Variants in SLC8A3 observed in about 807,000 individuals in gnomAD.
SLC8A3 encodes the protein sodium/calcium exchanger 3.
Under a neutral mutation model 65.4 loss-of-function variants are expected in SLC8A3, and 37 were observed. The observed-to-expected ratio is 0.57, with a 90% CI of 0.44 to 0.74. The LOEUF (loss-of-function observed/expected upper bound fraction) is 0.74. Ranked by LOEUF, SLC8A3 falls within the 30% of genes least tolerant of loss-of-function variation. SLC8A3 has a pLI of 0.00. For missense variants in SLC8A3, 1,112 were observed against 1,172.1 expected (o/e 0.95, Z 0.75); for synonymous variants, 461 against 444.5 (o/e 1.04, Z -0.47).
intron 3 of SLC8A3, chr14:70,059,538 A>C (rs1323068402): frequency 2.6e-5 from 4 of 152,108 alleles, no homozygotes; most frequent in Admixed American, 2.6e-4. Context: ...CATTCAAAGT[A>C]GTGGCTTCCA....
At chr14:70,156,705 G>A (rs1276764916) in intron 2 of SLC8A3, among the ~76,000 whole-genome samples, 2 of 152,174 alleles carry the variant, frequency 1.3e-5, no homozygotes, top group Non-Finnish European at 2.9e-5. Flanking sequence ...TAAAGAGGGG[G>A]TGCCTGCTGG....
At chr14:70,102,120 A>G (rs1892589117) in intron 2 of SLC8A3, among the ~76,000 whole-genome samples, 1 of 152,212 alleles carries the variant, frequency 6.6e-6, no homozygotes, top group South Asian at 2.1e-4. Flanking sequence ...CAGGCCTGAG[A>G]GATGAATGAT....
rs77366753 is a variant in SLC8A3, at chr14:70,174,258, G to C, written c.-62-5774C>G. ...ACAAGCTTGGAAGCTCTACATACAGGCAGAATGGATCCATGGTAGAGCCCT... is the reference window on the plus strand; with the variant it reads ...ACAAGCTTGGAAGCTCTACATACAGCCAGAATGGATCCATGGTAGAGCCCT... On this transcript the variant is annotated intron_variant, in intron 1 of 6. Transcript: ENST00000356921. Among the ~76,000 whole-genome samples the C allele has an allele frequency of 9.5e-3, 1,454 of 152,332 alleles. 22 individuals are homozygous for C. Among genetic ancestry groups the C allele is most frequent in the African/African-American group, 0.032 (1,341 of 41,582 alleles).
At chr14:70,134,672 T>G (rs556617756) in intron 2 of SLC8A3, among the ~76,000 whole-genome samples, 1 of 152,320 alleles carries the variant, frequency 6.6e-6, no homozygotes, top group East Asian at 1.9e-4. Flanking sequence ...CTTAGCATTT[T>G]CTTAGTCCTT....
At chr14:70,104,597 AATGTAT>A (rs1414271246) in intron 2 of SLC8A3, among the ~76,000 whole-genome samples, 1 of 152,192 alleles carries the variant, frequency 6.6e-6, no homozygotes, top group Non-Finnish European at 1.5e-5. Flanking sequence ...GAAACTTTAT[AATGTAT>A]ATACTTGGAT....
intron 1 of SLC8A3, among the ~76,000 whole-genome samples, chr14:70,169,695 G>T (rs888662350): frequency 1.4e-5 from 2 of 145,594 alleles, no homozygotes; most frequent in Non-Finnish European, 3.0e-5. Context: ...AAAAAGTGGG[G>T]GGGGGGGCGA....
intron 2 of SLC8A3, among the ~76,000 whole-genome samples, chr14:70,127,996 G>A (rs1159774902): frequency 3.3e-5 from 5 of 152,066 alleles, no homozygotes; most frequent in Admixed American, 2.0e-4. Flanking sequence ...TCACATGAAT[G>A]TCCCATTGGT....
intron 2 of SLC8A3, among the ~76,000 whole-genome samples, chr14:70,132,133 A>G (rs987443567): frequency 6.6e-6 from 1 of 152,194 alleles, no homozygotes; most frequent in Non-Finnish European, 1.5e-5. Flanking sequence ...TTTGGTTGCA[A>G]TGAATTAAAG....
intron 2 of SLC8A3, among the ~76,000 whole-genome samples, chr14:70,119,772 T>C (rs1893922129): frequency 6.6e-6 from 1 of 152,250 alleles, no homozygotes; most frequent in African/African-American, 2.4e-5. Context: ...GACAATAACC[T>C]CATAGGATTG....
At chr14:70,071,042 G>A (rs1889961989) in intron 2 of SLC8A3, among the ~76,000 whole-genome samples, 1 of 152,218 alleles carries the variant, frequency 6.6e-6, no homozygotes, top group South Asian at 2.1e-4. Flanking sequence ...AAAGATTGTG[G>A]TGGGAAAGAA....
rs202055580 is a variant in SLC8A3, at chr14:70,113,906, C to A, written c.1784+52733G>T. On this transcript the variant is annotated intron_variant, in intron 2 of 6. Coordinates refer to ENST00000356921, the MANE Select transcript of SLC8A3 (RefSeq NM_182932.3). ...CCTAACCTGACAGTAGCCTAGGGGA[C>A]ATTTTTTTTTCCTGATGTTCCCAGG... is the stretch of plus-strand genomic sequence containing the variant. Among the ~76,000 whole-genome samples the A allele has an allele frequency of 1.0e-3, 15 of 14,984 alleles. No individual in the cohort carries two copies. The Non-Finnish European group carries it at 0.011, about 11-fold the overall frequency. The allele number at this position is 14,984 out of a possible 152,430, so 9.8% of individuals were successfully genotyped here.
intron 3 of SLC8A3, among the ~76,000 whole-genome samples, chr14:70,058,506 G>C (rs574024455): frequency 2.1e-4 from 32 of 152,230 alleles, no homozygotes; most frequent in Admixed American, 1.4e-3. Flanking sequence ...AGATCTGGGG[G>C]CACACCACAC....
intron 2 of SLC8A3, among the ~76,000 whole-genome samples, chr14:70,064,442 C>G (rs1889177071): frequency 6.8e-6 from 1 of 147,082 alleles, no homozygotes; most frequent in South Asian, 2.2e-4. Context: ...CAGAAAGGGA[C>G]AAACTGGTTT....
At chr14:70,163,153 C>A (rs187492489) in intron 2 of SLC8A3, among the ~76,000 whole-genome samples, 99 of 152,302 alleles carry the variant, frequency 6.5e-4, no homozygotes, top group Non-Finnish European at 1.2e-3. Flanking sequence ...TGACTGAACA[C>A]CATCTACGAG....
intron 2 of SLC8A3, among the ~76,000 whole-genome samples, chr14:70,133,814 C>T (rs1200748800): frequency 6.6e-6 from 1 of 152,182 alleles, no homozygotes; most frequent in Admixed American, 6.5e-5. Flanking sequence ...CAAAAATAAT[C>T]AAGTCAAGAG....
chr14:70,131,625 G>A (rs1452988030), intron 2 of SLC8A3, among the ~76,000 whole-genome samples: 1 of 152,192 alleles, frequency 6.6e-6, no homozygotes, highest in Non-Finnish European at 1.5e-5. Context: ...TATAATTCAA[G>A]TGCTCCTGAT....
chr14:70,126,751 C>T lies in SLC8A3; in HGVS notation c.1784+39888G>A, dbSNP rs565735731. Among the ~76,000 whole-genome samples, 290 of 152,084 alleles carry T rather than the reference C, an allele frequency of 1.9e-3. 9 individuals carry two copies. In the South Asian group the frequency reaches 0.06, roughly 31 times the overall value. ...CCCAAACCTACCACTGGTTGAGTAT[C>T]CCTAATCCCAAAACCCAAAATTGAA... On this transcript the variant is annotated intron_variant, in intron 2 of 6. Transcript: ENST00000356921.
chr14:70,081,972 T>G (rs1370619078), intron 2 of SLC8A3, among the ~76,000 whole-genome samples: 1 of 152,242 alleles, frequency 6.6e-6, no homozygotes, highest in Non-Finnish European at 1.5e-5. Flanking sequence ...AACAGCTTCC[T>G]ATGGGCAAAC....
chr14:70,154,920 CTTTT>C (rs60863511), intron 2 of SLC8A3, among the ~76,000 whole-genome samples: 6 of 128,924 alleles, frequency 4.7e-5, no homozygotes, highest in Admixed American at 2.4e-4. Context: ...ATTTATCATT[CTTTT>C]TTTTTTTTTT....
Sources: gnomAD v4.1 joint callset for allele counts (sites outside exome capture counted in the v4.1 genomes callset) on GRCh38, gnomAD v4.1.1 for gene constraint, MANE v1.5 for transcripts, NCBI Gene and HGNC (gene_info 2026-07-23, HGNC 2026-07-21) for gene names.